The following FARP1 variants were observed in gnomAD, a reference collection of about 807,000 sequenced individuals.
FARP1 encodes the protein FERM, ARHGEF and pleckstrin domain-containing protein 1.
A neutral mutation model predicts 128.8 loss-of-function variants in FARP1; 52 were observed. The observed-to-expected ratio is 0.40, with a 90% CI of 0.32 to 0.51. FARP1 has a LOEUF of 0.51. Among genes scored for constraint, FARP1 ranks in the 20% least tolerant of loss-of-function variants. The pLI, the probability that FARP1 is intolerant of heterozygous loss-of-function variation, is 0.45. For synonymous variants in FARP1, 580 were observed against 551.8 expected (o/e 1.05, Z -0.72); for missense variants, 1,333 against 1,367.9 (o/e 0.97, Z 0.40).
At chr13:98,377,232 G>T (rs916376075) in intron 5 of FARP1, among the ~76,000 whole-genome samples, 1 of 151,728 alleles carries the variant, frequency 6.6e-6, no homozygotes, top group Non-Finnish European at 1.5e-5. Context: ...AACAAGGGAG[G>T]TGGAGGTTTC....
At chr13:98,200,425 G>A (rs1879868355) in intron 1 of FARP1, among the ~76,000 whole-genome samples, 1 of 145,538 alleles carries the variant, frequency 6.9e-6, no homozygotes, top group South Asian at 2.2e-4. Flanking sequence ...GTGGGGCTGA[G>A]CTGGGCTGAG....
In FARP1 at chr13:98,176,960, C is replaced by T. The variant is rs1456853495; in HGVS notation, c.-24+33468C>T. ...TTCGCCGAGCGGGTGGACCTGTACA[C>T]CACGTCGAGGCTCTCAGGCGCCGCC... is the stretch of plus-strand genomic sequence containing the variant. On this transcript the variant is annotated intron_variant, in intron 1 of 26. Transcript: ENST00000319562. The surrounding 1 kb of genome is among the most constrained non-coding windows in gnomAD (Gnocchi z 6.2). The T allele has an allele frequency of 3.7e-6, 6 of 1,601,448 alleles. No individual in the cohort carries two copies. The highest frequency in any genetic ancestry group is 5.1e-6 in the Non-Finnish European group (6 of 1,179,876).
At chr13:98,238,542 A>T (rs1465482220) in intron 2 of FARP1, among the ~76,000 whole-genome samples, 1 of 152,226 alleles carries the variant, frequency 6.6e-6, no homozygotes, top group Admixed American at 6.5e-5. Context: ...AGGCCTCACA[A>T]TCATGGCAGA....
intron 2 of FARP1, among the ~76,000 whole-genome samples, chr13:98,318,654 C>G (rs1345168299): frequency 4.6e-5 from 7 of 152,202 alleles, no homozygotes; most frequent in Non-Finnish European, 8.8e-5. Context: ...TCCATTTGAC[C>G]TTGCATGGCG....
chr13:98,288,613 A>G (rs1488329996), intron 2 of FARP1, among the ~76,000 whole-genome samples: 2 of 152,208 alleles, frequency 1.3e-5, no homozygotes, highest in Non-Finnish European at 1.5e-5. Context: ...GGGCCCAGAA[A>G]TGCGGTTTTC....
chr13:98,256,554 C>CTTTT (rs1050500609), intron 2 of FARP1, among the ~76,000 whole-genome samples: 19 of 143,724 alleles, frequency 1.3e-4, no homozygotes, highest in African/African-American at 4.6e-4. Context: ...CATCTTACCA[C>CTTTT]TTTTTTTTTT....
At position 98,176,964 on chromosome 13, in the gene FARP1, G is replaced by A. The variant is rs775287438; in HGVS notation, c.-24+33472G>A. ...CCGAGCGGGTGGACCTGTACACCAC[G>A]TCGAGGCTCTCAGGCGCCGCCTCCT... On this transcript the variant is annotated intron_variant, in intron 1 of 26. Transcript: ENST00000319562. The surrounding 1 kb of genome is among the most constrained non-coding windows in gnomAD (Gnocchi z 6.2). 6 of 1,600,944 alleles carry A rather than the reference G, an allele frequency of 3.7e-6. 1 individual carries two copies. The highest frequency in any genetic ancestry group is 3.3e-5 in the South Asian group (3 of 91,060).
rs1555329634 is a variant in FARP1 at position 98,232,144 on chromosome 13, G to GTTTTTTTTTTTTT, written c.171+18731_171+18732insTTTTTTTTTTTTT. 9.0e-4 allele frequency among the ~76,000 whole-genome samples: 100 copies of GTTTTTTTTTTTTT among 111,660 alleles called. 6 individuals carry two copies. Among genetic ancestry groups the GTTTTTTTTTTTTT allele is most frequent in the African/African-American group, 2.9e-3 (69 of 23,618 alleles). The allele number at this position is 111,660 out of a possible 152,430, so 73.3% of individuals were successfully genotyped here. A position where few individuals can be genotyped will look rare whatever the true frequency, so the allele number is the denominator to read the frequency against. On this transcript the variant is annotated intron_variant, in intron 2 of 26. Transcript: ENST00000319562. ...CGTGCCCGGCTTTTTTTGTTTGGTT[G>GTTTTTTTTTTTTT]GTTTTTTTTTTTTTTTTTTTTTGCT...
intron 1 of FARP1, among the ~76,000 whole-genome samples, chr13:98,155,025 T>C (rs1182400116): frequency 6.6e-6 from 1 of 152,076 alleles, no homozygotes; most frequent in East Asian, 1.9e-4. Context: ...CTCAGCAGCA[T>C]AGCAAGACCC....
chr13:98,273,387 A>T (rs1175896543), intron 2 of FARP1, among the ~76,000 whole-genome samples: 1 of 152,128 alleles, frequency 6.6e-6, no homozygotes, highest in Non-Finnish European at 1.5e-5. Context: ...GAATCTTATG[A>T]TCTCTAGTTT....
chr13:98,145,011 T>G (rs541655459), intron 1 of FARP1, among the ~76,000 whole-genome samples: 1 of 152,240 alleles, frequency 6.6e-6, no homozygotes, highest in East Asian at 1.9e-4. Context: ...AATATTGGAG[T>G]TACTCCAAGC....
At chr13:98,278,930 A>G (rs1240114895) in intron 2 of FARP1, among the ~76,000 whole-genome samples, 3 of 151,188 alleles carry the variant, frequency 2.0e-5, no homozygotes, top group African/African-American at 4.9e-5. Flanking sequence ...GGTTCATGCC[A>G]TTCTCCTGCC....
At chr13:98,410,862 A>T (rs1891164924) in intron 15 of FARP1, 39 bp downstream of exon 15, 1 of 1,052,402 alleles carries the variant, frequency 9.5e-7, no homozygotes. Context: ...CGATTACATG[A>T]TTTATCTCAG....
intron 2 of FARP1, among the ~76,000 whole-genome samples, chr13:98,277,109 T>TACACACACACACACAC (rs368911842): frequency 0.16 from 18,452 of 117,870 alleles, 1,726 homozygotes; most frequent in Middle Eastern, 0.21. Context: ...TCTAGAAAAA[T>TACACACACACACACAC]ACACACACAC....
Position 98,431,087 on chromosome 13 carries a change from C to T in FARP1, c.1950C>T (p.Ala650=), listed in dbSNP as rs757038438. ...GGAAGCACAGCGAGGCCTTGGAGGCCCTGGAGAATGGAATCAAGAGCTCCC... is the reference window on the plus strand; with the variant it reads ...GGAAGCACAGCGAGGCCTTGGAGGCTCTGGAGAATGGAATCAAGAGCTCCC... ...HLWKHSEALE[A]LENGIKSSRR... is the part of the protein sequence containing the mutation. Residue 650 remains alanine, a synonymous_variant, in exon 18 of 27, where the codon GCC becomes GCT. Coordinates refer to ENST00000319562, the MANE Select transcript of FARP1 (RefSeq NM_005766.4). 2.5e-6 allele frequency: 4 copies of T among 1,614,086 alleles called. No individual in the cohort carries two copies. In the Admixed American group the frequency reaches 6.7e-5, roughly 27 times the overall value.
intron 19 of FARP1, chr13:98,437,677 T>C: frequency 1.4e-6 from 1 of 726,256 alleles, no homozygotes; most frequent in Non-Finnish European, 2.5e-6. Context: ...GAGTTATCTG[T>C]GCAGGAGGGC....
chr13:98,353,772 T>C (rs963961461), intron 3 of FARP1, among the ~76,000 whole-genome samples: 4 of 152,246 alleles, frequency 2.6e-5, no homozygotes, highest in African/African-American at 9.6e-5. Context: ...AAGCAAATGA[T>C]AGTTTAAAGG....
In FARP1 at chr13:98,409,541, C is replaced by T; in HGVS notation, c.1602+16C>T. Reference sequence around the variant, plus strand: ...CCGGAGGAAGGTACAGGGCCGAGGGCTCAAGCGCGTGTGTGGCTGTGTGTG... The same window carrying T: ...CCGGAGGAAGGTACAGGGCCGAGGGTTCAAGCGCGTGTGTGGCTGTGTGTG... On this transcript the variant is annotated intron_variant, in intron 14 of 26. Transcript: ENST00000319562. 6.3e-7 allele frequency: 1 copy of T among 1,581,388 alleles called. No homozygotes were observed. Among genetic ancestry groups the T allele is most frequent in the Non-Finnish European group, 8.6e-7 (1 of 1,159,054 alleles).
At chr13:98,368,335 C>T (rs1889186785) in intron 5 of FARP1, 140 bp downstream of exon 5, 3 of 625,346 alleles carry the variant, frequency 4.8e-6, no homozygotes, top group Non-Finnish European at 8.2e-6. Flanking sequence ...GTTTAACCTT[C>T]CTCTTTCCCA....
Sources: gnomAD v4.1 joint callset for allele counts (sites outside exome capture counted in the v4.1 genomes callset) on GRCh38, gnomAD v4.1.1 for gene constraint, Gnocchi (gnomAD v3.1) non-coding constraint, MANE v1.5 for transcripts, NCBI Gene and HGNC (gene_info 2026-07-23, HGNC 2026-07-21) for gene names.